Variants in REDIC1 observed in about 807,000 individuals in gnomAD.
REDIC1 encodes regulator of DNA class I crossover intermediates 1.
chr12:39,647,663 C>A, the REDIC1 span: 1 of 615,972 alleles, frequency 1.6e-6, no homozygotes, highest in Non-Finnish European at 2.5e-6. Context: ...TGATGGGTTG[C>A]CTTGCCTTAG....
chr12:39,692,178 T>TC, the REDIC1 span: 2 of 1,331,738 alleles, frequency 1.5e-6, no homozygotes, highest in Non-Finnish European at 1.0e-6. Flanking sequence ...AGAAATCAGT[T>TC]AAATTTGAAG....
the REDIC1 span, among the ~76,000 whole-genome samples, chr12:39,827,147 C>G: frequency 1.3e-5 from 2 of 151,840 alleles, no homozygotes; most frequent in Non-Finnish European, 2.9e-5. Context: ...TCCTAACATG[C>G]CTCTATGGAT....
chr12:39,767,980 C>A, the REDIC1 span, among the ~76,000 whole-genome samples: 1 of 152,100 alleles, frequency 6.6e-6, no homozygotes, highest in African/African-American at 2.4e-5. Flanking sequence ...ACTACCCAGT[C>A]TCAGGCAGTT....
chr12:39,838,515 AAAAAAG>A, the REDIC1 span, among the ~76,000 whole-genome samples: 4 of 151,896 alleles, frequency 2.6e-5, no homozygotes, highest in Non-Finnish European at 4.4e-5. Context: ...TTAAAAAAAA[AAAAAAG>A]AAAGGGAGAA....
chr12:39,875,126 A>G, the REDIC1 span, among the ~76,000 whole-genome samples: 2 of 152,296 alleles, frequency 1.3e-5, no homozygotes, highest in East Asian at 3.9e-4. Context: ...AAAACAAAAC[A>G]CATTTATTAT....
At chr12:39,853,535 C>CTTTCT in the REDIC1 span, among the ~76,000 whole-genome samples, 2 of 151,584 alleles carry the variant, frequency 1.3e-5, no homozygotes, top group African/African-American at 4.9e-5. Flanking sequence ...TTTTTTTCTC[C>CTTTCT]TTTCTTTTCT....
the REDIC1 span, among the ~76,000 whole-genome samples, chr12:39,896,446 A>C: frequency 2.3e-5 from 3 of 131,910 alleles, no homozygotes; most frequent in Non-Finnish European, 4.7e-5. Context: ...ACATATATGT[A>C]TATGTGTGTA....
At chr12:39,893,337 T>C in the REDIC1 span, among the ~76,000 whole-genome samples, 1 of 152,228 alleles carries the variant, frequency 6.6e-6, no homozygotes, top group Non-Finnish European at 1.5e-5. Flanking sequence ...TCTCACTCTG[T>C]CGCCCAGGCT....
At chr12:39,720,838 A>G in the REDIC1 span, 1 of 1,612,928 alleles carries the variant, frequency 6.2e-7, no homozygotes. Context: ...TTCAAATAGG[A>G]TGACCATCAA....
At chr12:39,653,558 T>TTCTTCTTCTTCTTTC in the REDIC1 span, among the ~76,000 whole-genome samples, 1 of 43,876 alleles carries the variant, frequency 2.3e-5, no homozygotes, top group African/African-American at 6.8e-5. Flanking sequence ...CTTCTTCTTC[T>TTCTTCTTCTTCTTTC]TTCTTCTTCT....
the REDIC1 span, among the ~76,000 whole-genome samples, chr12:39,743,399 C>T: frequency 2.0e-5 from 3 of 152,086 alleles, no homozygotes; most frequent in Admixed American, 2.0e-4. Context: ...ACCATGTCAC[C>T]AAAAGTTTAC....
chr12:39,763,025 A>G, the REDIC1 span, among the ~76,000 whole-genome samples: 1 of 152,050 alleles, frequency 6.6e-6, no homozygotes, highest in Admixed American at 6.6e-5. Flanking sequence ...TTCTATGAAA[A>G]ATGCTTTCTC....
chr12:39,824,289 A>T, the REDIC1 span, among the ~76,000 whole-genome samples: 1 of 152,234 alleles, frequency 6.6e-6, no homozygotes, highest in South Asian at 2.1e-4. Flanking sequence ...TCTGATTCAC[A>T]TCAAAGATGA....
the REDIC1 span, among the ~76,000 whole-genome samples, chr12:39,870,800 C>T: frequency 4.6e-5 from 7 of 152,116 alleles, no homozygotes; most frequent in Non-Finnish European, 1.0e-4. Context: ...GAGGTGAAAG[C>T]GTTCTACTCT....
chr12:39,717,326 A>G, the REDIC1 span, among the ~76,000 whole-genome samples: 2 of 151,966 alleles, frequency 1.3e-5, no homozygotes, highest in African/African-American at 4.8e-5. Context: ...CAGTTGATTA[A>G]CACATATTTT....
the REDIC1 span, chr12:39,647,957 GA>G: frequency 3.2e-6 from 5 of 1,559,636 alleles, no homozygotes; most frequent in Admixed American, 2.0e-5. Flanking sequence ...ACTTGCATAT[GA>G]AAAAAAGCAG....
the REDIC1 span, among the ~76,000 whole-genome samples, chr12:39,675,035 A>G: frequency 1.3e-5 from 2 of 152,136 alleles, no homozygotes; most frequent in African/African-American, 2.4e-5. Flanking sequence ...GCCTGGGGCA[A>G]GATCTCAGCA....
At chr12:39,646,751 G>A in the REDIC1 span, 2 of 857,830 alleles carry the variant, frequency 2.3e-6, no homozygotes, top group South Asian at 1.9e-5. Context: ...TATATGTTTT[G>A]TGTAGAACAG....
At chr12:39,883,080 A>G in the REDIC1 span, among the ~76,000 whole-genome samples, 1 of 152,156 alleles carries the variant, frequency 6.6e-6, no homozygotes, top group African/African-American at 2.4e-5. Context: ...TATAATTCAC[A>G]TACCATAAAA....
Sources: allele counts gnomAD v4.1 joint callset (sites outside exome capture counted in the v4.1 genomes callset), GRCh38; gene constraint gnomAD v4.1.1; transcripts MANE v1.5; gene names NCBI Gene and HGNC (gene_info 2026-07-23, HGNC 2026-07-21).